Variants in FER1L6 observed in about 807,000 individuals in gnomAD.
The protein encoded by FER1L6 is fer-1 like family member 6, also known as fer-1-like protein 6.
Under a neutral mutation model 219.2 loss-of-function variants are expected in FER1L6, and 177 were observed. The observed-to-expected ratio is 0.81, with a 90% CI of 0.71 to 0.91. FER1L6 has a LOEUF of 0.91. Among genes scored for constraint, FER1L6 ranks in the 40% least tolerant of loss-of-function variants. The pLI is 0.00. For missense variants in FER1L6, 2,153 were observed against 2,259.9 expected (o/e 0.95, Z 0.96); for synonymous variants, 768 against 824.3 (o/e 0.93, Z 1.17).
intron 1 of FER1L6, among the ~76,000 whole-genome samples, chr8:123,929,972 T>C (rs1249868463): frequency 1.3e-5 from 2 of 151,782 alleles, no homozygotes; most frequent in Non-Finnish European, 2.9e-5. Context: ...CACTGTTTTT[T>C]TTTTTTTAGA....
chr8:123,923,413 G>A (rs751833201), intron 1 of FER1L6, among the ~76,000 whole-genome samples: 1 of 152,042 alleles, frequency 6.6e-6, no homozygotes, highest in African/African-American at 2.4e-5. Flanking sequence ...CATCTGAATG[G>A]GTCAAAAACA....
At chr8:123,859,155 A>C (rs1816701040) in intron 1 of FER1L6, among the ~76,000 whole-genome samples, 1 of 151,998 alleles carries the variant, frequency 6.6e-6, no homozygotes, top group Non-Finnish European at 1.5e-5. Flanking sequence ...GTGCACCTCC[A>C]CGCCCAGCTA....
At chr8:123,965,462 G>A (rs1815494759) in intron 3 of FER1L6, among the ~76,000 whole-genome samples, 1 of 152,212 alleles carries the variant, frequency 6.6e-6, no homozygotes, top group African/African-American at 2.4e-5. Context: ...ACTTGTGATA[G>A]TCCAGATAAA....
At chr8:124,010,493 T>C (rs7844981) in intron 13 of FER1L6, 101 bp from the exon 14 acceptor site, 1 of 1,411,160 alleles carries the variant, frequency 7.1e-7, no homozygotes, top group African/African-American at 1.4e-5. Context: ...TCATCATGCC[T>C]CCCGAGTCCT....
chr8:123,858,994 TATTC>T (rs1816696506), intron 1 of FER1L6, among the ~76,000 whole-genome samples: 1 of 135,046 alleles, frequency 7.4e-6, no homozygotes, highest in Non-Finnish European at 1.6e-5. Flanking sequence ...TAATGTTATT[TATTC>T]ATTTATTCAT....
At chr8:123,912,481 A>G (rs1017941500) in intron 1 of FER1L6, among the ~76,000 whole-genome samples, 1 of 152,140 alleles carries the variant, frequency 6.6e-6, no homozygotes, top group Non-Finnish European at 1.5e-5. Context: ...ATAGCCTAAC[A>G]TGGGACATAT....
intron 33 of FER1L6, among the ~76,000 whole-genome samples, chr8:124,090,657 G>A (rs1358285783): frequency 6.6e-6 from 1 of 152,196 alleles, no homozygotes; most frequent in Non-Finnish European, 1.5e-5. Context: ...CCAATGAGCA[G>A]AGACATCAAG....
intron 11 of FER1L6, among the ~76,000 whole-genome samples, chr8:123,981,203 GA>G (rs1394673467): frequency 6.6e-6 from 1 of 152,166 alleles, no homozygotes; most frequent in African/African-American, 2.4e-5. Context: ...GAGGAATGAA[GA>G]GGAGGAAGAG....
rs1472425426 is a variant in FER1L6, at chr8:124,080,055, A to C, written c.4221-2233A>C. Among the ~76,000 whole-genome samples the C allele has an allele frequency of 2.0e-5, 3 of 152,220 alleles. No individual in the cohort carries two copies. In the East Asian group the frequency reaches 5.8e-4, roughly 29 times the overall value. On this transcript the variant is annotated intron_variant, in intron 32 of 40. Coordinates refer to ENST00000522917, the MANE Select transcript of FER1L6 (RefSeq NM_001039112.2). ...TCTCTTAAAAATCGCAGTGCCTGGC[A>C]CATAGTAGACACATAATAAATGCTG... is the stretch of plus-strand genomic sequence containing the variant.
intron 1 of FER1L6, among the ~76,000 whole-genome samples, chr8:123,915,658 A>G (rs779599043): frequency 7.2e-5 from 11 of 152,218 alleles, no homozygotes; most frequent in Non-Finnish European, 1.5e-4. Flanking sequence ...CTTGATCTAT[A>G]ATGAAACAGA....
chr8:124,088,345 AG>A (rs1821868249), intron 33 of FER1L6, among the ~76,000 whole-genome samples: 1 of 151,974 alleles, frequency 6.6e-6, no homozygotes, highest in Non-Finnish European at 1.5e-5. Flanking sequence ...GGCTACTGCC[AG>A]TGTTCACTGT....
At chr8:123,879,623 C>A (rs1241260458) in intron 1 of FER1L6, among the ~76,000 whole-genome samples, 2 of 152,046 alleles carry the variant, frequency 1.3e-5, no homozygotes, top group Non-Finnish European at 2.9e-5. Context: ...CCGTGCCTGG[C>A]CGGAGTCAAT....
intron 1 of FER1L6, among the ~76,000 whole-genome samples, chr8:123,891,596 A>G (rs1432480562): frequency 6.6e-6 from 1 of 152,210 alleles, no homozygotes; most frequent in East Asian, 1.9e-4. Context: ...AGTAACTCCC[A>G]AACAGGAAAT....
intron 34 of FER1L6, among the ~76,000 whole-genome samples, chr8:124,093,310 C>T (rs1442416531): frequency 2.0e-5 from 3 of 151,898 alleles, no homozygotes; most frequent in South Asian, 4.2e-4. Flanking sequence ...AGACCCAAAC[C>T]ATATCACTTG....
chr8:123,934,300 A>T (rs1480596780), intron 1 of FER1L6, among the ~76,000 whole-genome samples: 1 of 152,064 alleles, frequency 6.6e-6, no homozygotes, highest in East Asian at 1.9e-4. Flanking sequence ...AGTGTCCTTT[A>T]TGGGTAAGGG....
intron 7 of FER1L6, among the ~76,000 whole-genome samples, chr8:123,973,980 G>T (rs960124455): frequency 1.3e-5 from 2 of 152,202 alleles, no homozygotes; most frequent in Non-Finnish European, 2.9e-5. Context: ...GCTTAGTAAA[G>T]AGTCTCACTC....
Position 123,852,576 on chromosome 8 carries a change from CA to C in FER1L6, c.-8+396del, listed in dbSNP as rs1427377010. On this transcript the variant is annotated intron_variant, in intron 1 of 40. Coordinates refer to ENST00000522917, the MANE Select transcript of FER1L6 (RefSeq NM_001039112.2). This position sits in a 1 kb window ranked among gnomAD's most constrained non-coding sequence, Gnocchi z 4.9. ...GTAAAATTTTGGGGGATTATAGAGA[CA>C]AAAAGCATGAGGAAGTTGCCTCAGG... 1.3e-5 allele frequency among the ~76,000 whole-genome samples: 2 copies of C among 151,114 alleles called. No individual in the cohort carries two copies. The highest frequency in any genetic ancestry group is 4.9e-5 in the African/African-American group (2 of 41,106).
In FER1L6 at chr8:124,068,117, A is replaced by C. The variant is rs568959450; in HGVS notation, c.3718+311A>C. Among the ~76,000 whole-genome samples, 239 of 152,320 alleles carry C rather than the reference A, an allele frequency of 1.6e-3. 6 individuals are homozygous for C. Among genetic ancestry groups the C allele is most frequent in the Admixed American group, 0.015 (236 of 15,302 alleles). On this transcript the variant is annotated intron_variant, in intron 28 of 40. Coordinates refer to ENST00000522917, the MANE Select transcript of FER1L6 (RefSeq NM_001039112.2). Reference sequence around the variant, plus strand: ...AGAAGCAATCTGGATGACTGGCCAAAATCAACATGATAAACTTTGTTAGAG... The same window carrying C: ...AGAAGCAATCTGGATGACTGGCCAACATCAACATGATAAACTTTGTTAGAG...
intron 1 of FER1L6, among the ~76,000 whole-genome samples, chr8:123,944,054 C>T (rs1229672419): frequency 6.6e-6 from 1 of 151,846 alleles, no homozygotes; most frequent in African/African-American, 2.4e-5. Flanking sequence ...GTTTTCTTAA[C>T]CTTTTAGACT....
Sources: allele counts gnomAD v4.1 joint callset (sites outside exome capture counted in the v4.1 genomes callset), GRCh38; gene constraint gnomAD v4.1.1; non-coding constraint Gnocchi (gnomAD v3.1); transcripts MANE v1.5; gene names NCBI Gene and HGNC (gene_info 2026-07-23, HGNC 2026-07-21).